SCN8A: variants seen among roughly 807,000 people sequenced by gnomAD.
SCN8A encodes the protein sodium channel protein type 8 subunit alpha.
SCN8A carries 30 observed loss-of-function variants against 184.1 expected under a neutral mutation model. The ratio of observed to expected loss-of-function variants is 0.16; its 90% CI spans 0.12 to 0.22. SCN8A has a LOEUF of 0.22. SCN8A is among the 10% of genes least tolerant of loss of function. The pLI is 1.00. For missense variants in SCN8A, 1,057 were observed against 2,498.9 expected, an observed-to-expected ratio of 0.42 and a Z score of 12.30; for synonymous variants, 852 against 907.0, an observed-to-expected ratio of 0.94 and a Z score of 1.09.
chr12:51,802,219 T>G (rs543433772), intron 26 of SCN8A, among the ~76,000 whole-genome samples: 1 of 152,226 alleles, frequency 6.6e-6, no homozygotes, highest in East Asian at 1.9e-4. Context: ...ATTGTCTTGC[T>G]TCAGGGGAGA....
At chr12:51,721,939 A>G in intron 12 of SCN8A, 31 bp downstream of exon 12, 6 of 1,599,398 alleles carry the variant, frequency 3.8e-6, no homozygotes, top group Non-Finnish European at 5.1e-6. Context: ...TACCGATGAC[A>G]GTGTAAGGAA....
At chr12:51,634,443 C>T (rs1409516439) in intron 1 of SCN8A, among the ~76,000 whole-genome samples, 2 of 151,984 alleles carry the variant, frequency 1.3e-5, no homozygotes, top group African/African-American at 4.8e-5. Context: ...TGAAATATTT[C>T]ATGAAACAAA....
chr12:51,623,430 G>T (rs1490415034), intron 1 of SCN8A, among the ~76,000 whole-genome samples: 1 of 152,104 alleles, frequency 6.6e-6, no homozygotes, highest in East Asian at 1.9e-4. Context: ...TGAGAAACCT[G>T]CCTCTCATCA....
chr12:51,802,569 A>G (rs1216053411), intron 26 of SCN8A, among the ~76,000 whole-genome samples: 1 of 152,216 alleles, frequency 6.6e-6, no homozygotes, highest in Non-Finnish European at 1.5e-5. Context: ...CCCTTTGTCT[A>G]CAGGAGATAA....
At chr12:51,805,745 A>G (rs1300625238) in intron 26 of SCN8A, among the ~76,000 whole-genome samples, 2 of 152,130 alleles carry the variant, frequency 1.3e-5, no homozygotes, top group Non-Finnish European at 2.9e-5. Context: ...AAACAACAAC[A>G]TCAAAAGACA....
chr12:51,622,397 A>C (rs1939981128), intron 1 of SCN8A, among the ~76,000 whole-genome samples: 1 of 152,142 alleles, frequency 6.6e-6, no homozygotes, highest in South Asian at 2.1e-4. Flanking sequence ...AGAGTATTAC[A>C]TTGCATTGTC....
intron 12 of SCN8A, among the ~76,000 whole-genome samples, chr12:51,738,217 T>G (rs1307534101): frequency 6.6e-6 from 1 of 152,216 alleles, no homozygotes; most frequent in Non-Finnish European, 1.5e-5. Context: ...TTGAGGGCTA[T>G]ATAATTGTTC....
At chr12:51,677,712 C>T (rs1035765690) in intron 2 of SCN8A, among the ~76,000 whole-genome samples, 15 of 152,170 alleles carry the variant, frequency 9.9e-5, no homozygotes, top group African/African-American at 3.4e-4. Flanking sequence ...TTTCAGAAGG[C>T]TCATTTTATG....
intron 3 of SCN8A, 61 bp downstream of exon 3, chr12:51,684,353 C>A: frequency 1.2e-6 from 1 of 832,424 alleles, no homozygotes; most frequent in Non-Finnish European, 2.1e-6. Flanking sequence ...GTTTACCTTT[C>A]CAATATTTGA....
chr12:51,683,276 C>T (rs543788139), intron 2 of SCN8A, among the ~76,000 whole-genome samples: 1 of 152,210 alleles, frequency 6.6e-6, no homozygotes, highest in Non-Finnish European at 1.5e-5. Flanking sequence ...TATTTTAATT[C>T]AATTGAATTC....
At chr12:51,608,079 G>A (rs1354651194) in intron 1 of SCN8A, among the ~76,000 whole-genome samples, 1 of 147,466 alleles carries the variant, frequency 6.8e-6, no homozygotes, top group Admixed American at 6.8e-5. Context: ...GGAGTGCAGT[G>A]GCGTGATCTC....
rs1332313310 is a variant in SCN8A at position 51,668,196 on chromosome 12, A to T, written c.276+5103A>T. Among the ~76,000 whole-genome samples the T allele has an allele frequency of 9.9e-5, 15 of 152,180 alleles. No homozygotes were observed. The South Asian group carries it at 1.7e-3, about 17-fold the overall frequency. ...GAAACTCCATCTCAAAAAAAAAAAA[A>T]AAAATTATATATAGCTTCCTAAAGT... On this transcript the variant is annotated intron_variant, in intron 2 of 26. Coordinates refer to ENST00000627620, the MANE Select transcript of SCN8A (RefSeq NM_001330260.2).
At chr12:51,736,869 T>C (rs1942334405) in intron 12 of SCN8A, among the ~76,000 whole-genome samples, 1 of 152,258 alleles carries the variant, frequency 6.6e-6, no homozygotes, top group African/African-American at 2.4e-5. Flanking sequence ...CAAGCTCCGC[T>C]TTTAGAGCTG....
At chr12:51,603,987 A>G (rs146952723) in intron 1 of SCN8A, among the ~76,000 whole-genome samples, 7 of 152,312 alleles carry the variant, frequency 4.6e-5, no homozygotes, top group Non-Finnish European at 8.8e-5. Context: ...TTATCAGATA[A>G]CTTACATGGG....
intron 21 of SCN8A, among the ~76,000 whole-genome samples, chr12:51,785,656 T>C (rs1340597732): frequency 6.6e-6 from 1 of 152,224 alleles, no homozygotes; most frequent in East Asian, 1.9e-4. Context: ...AAGGGGTTTT[T>C]TTCTTTTGCT....
chr12:51,650,479 C>T (rs909386983), intron 1 of SCN8A, among the ~76,000 whole-genome samples: 17 of 150,542 alleles, frequency 1.1e-4, no homozygotes, highest in African/African-American at 2.7e-4. Flanking sequence ...GGAGGCCTCA[C>T]GATCATGGCG....
At chr12:51,735,897 C>T (rs1942318020) in intron 12 of SCN8A, among the ~76,000 whole-genome samples, 1 of 152,174 alleles carries the variant, frequency 6.6e-6, no homozygotes, top group South Asian at 2.1e-4. Context: ...ACCTATTTCG[C>T]ACCTTTTTGT....
chr12:51,671,931 T>C (rs1941138485), intron 2 of SCN8A, among the ~76,000 whole-genome samples: 1 of 152,176 alleles, frequency 6.6e-6, no homozygotes, highest in African/African-American at 2.4e-5. Flanking sequence ...TGGAACCAAG[T>C]TGGAATAAAA....
chr12:51,758,795 CT>C (rs1214857180), intron 14 of SCN8A, among the ~76,000 whole-genome samples: 10 of 151,510 alleles, frequency 6.6e-5, no homozygotes, highest in Non-Finnish European at 1.3e-4. Flanking sequence ...TACATTCAGT[CT>C]GTTGTGATAT....
Sources: allele counts gnomAD v4.1 joint callset (sites outside exome capture counted in the v4.1 genomes callset), GRCh38; gene constraint gnomAD v4.1.1; transcripts MANE v1.5; gene names NCBI Gene and HGNC (gene_info 2026-07-23, HGNC 2026-07-21).